Variants in RFFL observed in about 807,000 individuals in gnomAD.
RFFL encodes the protein E3 ubiquitin-protein ligase rififylin.
In RFFL, 16 loss-of-function variants were observed where a neutral mutation model predicts 40.4. The observed-to-expected ratio is 0.40, with a 90% CI of 0.27 to 0.60. The LOEUF (loss-of-function observed/expected upper bound fraction) is 0.60, where lower values mean the gene tolerates loss of function less well. Among genes scored for constraint, RFFL ranks in the 20% least tolerant of loss-of-function variants. The pLI is 0.47. For missense variants in RFFL, 367 were observed against 451.7 expected (o/e 0.81, Z 1.70); for synonymous variants, 154 against 167.9 (o/e 0.92, Z 0.64).
At chr17:35,038,286 CAAAAAAAA>C (rs33952696) in intron 1 of RFFL, among the ~76,000 whole-genome samples, 1 of 99,338 alleles carries the variant, frequency 1.0e-5, no homozygotes. Context: ...AAAACTGTCT[CAAAAAAAA>C]AAAAAAAAAA....
chr17:35,014,562 G>A (rs752800586), intron 6 of RFFL, among the ~76,000 whole-genome samples, 178 bp downstream of exon 6: 40 of 152,064 alleles, frequency 2.6e-4, no homozygotes, highest in Non-Finnish European at 5.0e-4. Flanking sequence ...CCTGCACAGC[G>A]AGCAGAGAGA....
At chr17:35,043,280 C>T (rs978919784) in intron 1 of RFFL, among the ~76,000 whole-genome samples, 1 of 152,152 alleles carries the variant, frequency 6.6e-6, no homozygotes, top group Non-Finnish European at 1.5e-5. Flanking sequence ...CCACTAGGAG[C>T]TTCAGAGTAA....
chr17:35,057,962 T>C (rs565222610), intron 1 of RFFL, among the ~76,000 whole-genome samples: 4 of 151,346 alleles, frequency 2.6e-5, no homozygotes, highest in Admixed American at 2.6e-4. Context: ...CTATTATACA[T>C]CAAACAATCA....
intron 1 of RFFL, among the ~76,000 whole-genome samples, chr17:35,061,429 G>A (rs1292747338): frequency 6.6e-6 from 1 of 152,176 alleles, no homozygotes; most frequent in Non-Finnish European, 1.5e-5. Flanking sequence ...GTGCCTAAAA[G>A]TATTCACACA....
intron 1 of RFFL, among the ~76,000 whole-genome samples, chr17:35,056,097 C>A (rs1443708889): frequency 6.6e-6 from 1 of 152,052 alleles, no homozygotes; most frequent in African/African-American, 2.4e-5. Context: ...TTCTGCAGCC[C>A]AACAAATAAA....
At chr17:35,082,671 T>TA (rs972546941) in intron 1 of RFFL, among the ~76,000 whole-genome samples, 46 of 152,306 alleles carry the variant, frequency 3.0e-4, no homozygotes, top group African/African-American at 1.0e-3. Context: ...GCCTACAGAA[T>TA]AAAAATTGTG....
chr17:35,064,540 G>A (rs2091310794), upstream of RFFL, among the ~76,000 whole-genome samples: 1 of 149,698 alleles, frequency 6.7e-6, no homozygotes, highest in Non-Finnish European at 1.5e-5. Flanking sequence ...AATTGACATT[G>A]GTGTTATACA....
At position 35,008,272 on chromosome 17, in the gene RFFL, T is replaced by C. The variant is rs907919693; in HGVS notation, c.*3696A>G. 2 of 152,270 alleles carry C rather than the reference T, an allele frequency of 1.3e-5. No individual in the cohort carries two copies. The highest frequency in any genetic ancestry group is 2.9e-5 in the Non-Finnish European group (2 of 68,074). 9.4% of individuals were successfully genotyped at this position (152,270 alleles called of 1,614,324 possible). A position where few individuals can be genotyped will look rare whatever the true frequency, so the allele number is the denominator to read the frequency against. On this transcript the variant is annotated 3_prime_UTR_variant, in exon 7 of 7. Transcript: ENST00000394597. The stretch of plus-strand genomic sequence containing the variant: ...TACCTACCCAGCTCTCATTCTCTTC[T>C]AGGTTGTTCCATGGCCTCTTCCATA...
At chr17:35,030,089 CATT>C (rs2091072774) in intron 1 of RFFL, among the ~76,000 whole-genome samples, 1 of 150,308 alleles carries the variant, frequency 6.7e-6, no homozygotes, top group Non-Finnish European at 1.5e-5. Context: ...TCCAGTCTAT[CATT>C]GTTGGACATC....
Position 35,009,969 on chromosome 17 carries a change from G to A in RFFL, c.*1999C>T, listed in dbSNP as rs545197112. On this transcript the variant is annotated 3_prime_UTR_variant, in exon 7 of 7. Transcript: ENST00000394597. ...GCCCATGACAAAAGTGGAAAGGGATGTCTTCATGAGCAAATCTGATTCCCC... is the reference window on the plus strand; with the variant it reads ...GCCCATGACAAAAGTGGAAAGGGATATCTTCATGAGCAAATCTGATTCCCC... 2.0e-5 allele frequency: 3 copies of A among 152,766 alleles called. No individual in the cohort carries two copies. Among genetic ancestry groups the A allele is most frequent in the East Asian group, 3.9e-4 (2 of 5,190 alleles). 9.5% of individuals were successfully genotyped at this position (152,766 alleles called of 1,614,324 possible). A position where few individuals can be genotyped will look rare whatever the true frequency, so the allele number is the denominator to read the frequency against.
chr17:35,026,852 CCCG>C (rs2091044494), intron 1 of RFFL, among the ~76,000 whole-genome samples: 1 of 152,082 alleles, frequency 6.6e-6, no homozygotes, highest in Non-Finnish European at 1.5e-5. Flanking sequence ...ATTACAGGTG[CCCG>C]CCATCACGCC....
chr17:35,062,114 A>C (rs2091294646), intron 1 of RFFL, among the ~76,000 whole-genome samples: 1 of 151,900 alleles, frequency 6.6e-6, no homozygotes, highest in Non-Finnish European at 1.5e-5. Flanking sequence ...GCATAAAAAG[A>C]ATGAACAAGG....
chr17:35,079,238 G>A (rs145530147), intron 1 of RFFL, among the ~76,000 whole-genome samples: 31 of 152,246 alleles, frequency 2.0e-4, no homozygotes, highest in African/African-American at 6.7e-4. Context: ...TGGCCAGGCT[G>A]GTCTTGAACT....
chr17:35,083,607 C>T (rs1250689961), intron 1 of RFFL, among the ~76,000 whole-genome samples: 2 of 151,670 alleles, frequency 1.3e-5, no homozygotes, highest in Non-Finnish European at 2.9e-5. Context: ...ATGGTGAAAC[C>T]CCATCCCTAC....
At position 35,011,111 on chromosome 17, in the gene RFFL, T is replaced by A. The variant is rs1283677189; in HGVS notation, c.*857A>T. On this transcript the variant is annotated 3_prime_UTR_variant, in exon 7 of 7. Coordinates refer to ENST00000394597, the MANE Select transcript of RFFL (RefSeq NM_001017368.2). ...AAAAGGATCAGAAGCCAAGCCAAAA[T>A]TAAGGAGAAGGCCACTGCCTCCACC... The A allele has an allele frequency of 6.6e-6, 1 of 152,198 alleles. No homozygotes were observed. Among genetic ancestry groups the A allele is most frequent in the African/African-American group, 2.4e-5 (1 of 41,454 alleles). 9.4% of individuals were successfully genotyped at this position (152,198 alleles called of 1,614,324 possible). A position where few individuals can be genotyped will look rare whatever the true frequency, so the allele number is the denominator to read the frequency against.
intron 1 of RFFL, among the ~76,000 whole-genome samples, chr17:35,074,552 C>T (rs2091366966): frequency 1.3e-5 from 2 of 152,290 alleles, no homozygotes; most frequent in South Asian, 2.1e-4. Flanking sequence ...AGCTGGAATA[C>T]TTGGGTTCCA....
intron 2 of RFFL, 117 bp from the exon 3 acceptor site, chr17:35,021,898 T>C (rs988913176): frequency 3.0e-6 from 3 of 994,630 alleles, no homozygotes; most frequent in Non-Finnish European, 1.5e-6. Context: ...ACTCTTACTT[T>C]TACTAAGCTC....
chr17:35,044,718 T>C (rs563355463), intron 1 of RFFL, among the ~76,000 whole-genome samples: 2 of 152,206 alleles, frequency 1.3e-5, no homozygotes, highest in Non-Finnish European at 2.9e-5. Flanking sequence ...ATTCTTTCAG[T>C]TCTTCAAACA....
chr17:35,043,420 T>C (rs1316251392), intron 1 of RFFL, among the ~76,000 whole-genome samples: 2 of 152,188 alleles, frequency 1.3e-5, no homozygotes, highest in East Asian at 1.9e-4. Flanking sequence ...ATTCAGTAAA[T>C]AGCCGTCATT....
Sources: allele counts gnomAD v4.1 joint callset (sites outside exome capture counted in the v4.1 genomes callset), GRCh38; gene constraint gnomAD v4.1.1; transcripts MANE v1.5; gene names NCBI Gene and HGNC (gene_info 2026-07-23, HGNC 2026-07-21).